XPO6: variants seen among roughly 807,000 people sequenced by gnomAD.
XPO6 encodes exportin-6.
A neutral mutation model predicts 130.0 loss-of-function variants in XPO6; 3 were observed. The ratio of observed to expected loss-of-function variants is 0.02; its 90% CI spans 0.01 to 0.06. The LOEUF (loss-of-function observed/expected upper bound fraction) is 0.06, where lower values mean the gene tolerates loss of function less well. XPO6 is among the 10% of genes least tolerant of loss of function. The probability of loss-of-function intolerance (pLI) is 1.00; values close to 1 mark genes in which losing one functional copy is unlikely to be tolerated. For synonymous variants in XPO6, 524 were observed against 548.9 expected (o/e 0.95, Z 0.63); for missense variants, 970 against 1,393.0 (o/e 0.70, Z 4.83).
chr16:28,181,274 TG>T (rs577932719), intron 1 of XPO6, among the ~76,000 whole-genome samples: 15 of 152,214 alleles, frequency 9.9e-5, no homozygotes, highest in Non-Finnish European at 1.8e-4. Context: ...TTTTCAATTA[TG>T]TATGCTAAGA....
At chr16:28,114,286 C>G (rs1285190554) in intron 15 of XPO6, among the ~76,000 whole-genome samples, 1 of 150,544 alleles carries the variant, frequency 6.6e-6, no homozygotes, top group Non-Finnish European at 1.5e-5. Flanking sequence ...TACTGTTAGG[C>G]AAAAGCAGCT....
chr16:28,200,007 C>T (rs80132572), intron 1 of XPO6, among the ~76,000 whole-genome samples: 1 of 151,954 alleles, frequency 6.6e-6, no homozygotes, highest in South Asian at 2.1e-4. Flanking sequence ...AATACAAAAA[C>T]TAGTCAGACA....
intron 2 of XPO6, among the ~76,000 whole-genome samples, chr16:28,179,448 T>C (rs1323003304): frequency 6.6e-6 from 1 of 152,088 alleles, no homozygotes; most frequent in African/African-American, 2.4e-5. Flanking sequence ...TAAGCAAAGG[T>C]TTCTGTGAAT....
At chr16:28,194,299 GC>G (rs2043826747) in intron 1 of XPO6, among the ~76,000 whole-genome samples, 1 of 152,026 alleles carries the variant, frequency 6.6e-6, no homozygotes, top group African/African-American at 2.4e-5. Flanking sequence ...TCCCAAGAAT[GC>G]CAAATGCCTT....
At chr16:28,145,836 G>C (rs1359065209) in intron 9 of XPO6, among the ~76,000 whole-genome samples, 2 of 151,808 alleles carry the variant, frequency 1.3e-5, no homozygotes, top group Non-Finnish European at 2.9e-5. Flanking sequence ...TAAAATAAGG[G>C]CTATTAAAAA....
At chr16:28,134,057 T>C in intron 10 of XPO6, 124 bp from the exon 11 acceptor site, 1 of 918,844 alleles carries the variant, frequency 1.1e-6, no homozygotes. Context: ...GGTTATCTGG[T>C]ACTATAAAAA....
rs895784511 is a variant in XPO6, at chr16:28,211,656, G to C, written c.-288C>G. The C allele has an allele frequency of 7.7e-6, 3 of 391,614 alleles. No individual in the cohort carries two copies. The highest frequency in any genetic ancestry group is 2.2e-5 in the African/African-American group (1 of 46,428). The allele number at this position is 391,614 out of a possible 1,614,324, so 24.3% of individuals were successfully genotyped here. A position where few individuals can be genotyped will look rare whatever the true frequency, so the allele number is the denominator to read the frequency against. On this transcript the variant is annotated 5_prime_UTR_variant, in exon 1 of 24. Coordinates refer to ENST00000304658, the MANE Select transcript of XPO6 (RefSeq NM_015171.4). ...ATGCCGGCGAGGAGGGCAGCTGCTC[G>C]GGACCCCCGCCCGGGCCCGACCCCC...
intron 17 of XPO6, 174 bp downstream of exon 17, chr16:28,111,643 T>C (rs751362726): frequency 2.0e-5 from 12 of 613,034 alleles, no homozygotes; most frequent in Non-Finnish European, 3.0e-5. Flanking sequence ...CTGTCTTAAC[T>C]GAATTCCAAA....
At chr16:28,109,699 C>A (rs927356545) in intron 17 of XPO6, among the ~76,000 whole-genome samples, 1 of 152,146 alleles carries the variant, frequency 6.6e-6, no homozygotes, top group African/African-American at 2.4e-5. Flanking sequence ...TCAAAGGAGA[C>A]TAAAGAGATA....
chr16:28,191,160 CCA>C (rs1459339399), intron 1 of XPO6, among the ~76,000 whole-genome samples: 9 of 152,198 alleles, frequency 5.9e-5, no homozygotes, highest in Admixed American at 3.9e-4. Context: ...TTTATTTTCA[CCA>C]CAGTTACACA....
intron 2 of XPO6, among the ~76,000 whole-genome samples, 189 bp from the exon 3 acceptor site, chr16:28,177,521 A>G (rs186365054): frequency 6.6e-6 from 1 of 152,236 alleles, no homozygotes; most frequent in Non-Finnish European, 1.5e-5. Context: ...GACCATGGAC[A>G]CTGACAATGT....
chr16:28,128,636 G>C (rs762499536), intron 12 of XPO6, among the ~76,000 whole-genome samples: 3 of 152,172 alleles, frequency 2.0e-5, no homozygotes, highest in Non-Finnish European at 4.4e-5. Flanking sequence ...ACAATTACTA[G>C]AGAGCTTAAA....
At chr16:28,162,891 T>C (rs1040140162) in intron 6 of XPO6, among the ~76,000 whole-genome samples, 1 of 152,210 alleles carries the variant, frequency 6.6e-6, no homozygotes, top group Admixed American at 6.5e-5. Flanking sequence ...TTTTTAATTA[T>C]TGAAACTTCA....
intron 14 of XPO6, among the ~76,000 whole-genome samples, chr16:28,118,641 G>A (rs1158417558): frequency 6.6e-6 from 1 of 152,192 alleles, no homozygotes; most frequent in Non-Finnish European, 1.5e-5. Flanking sequence ...GCAGGTGTGA[G>A]GCACTGCACC....
intron 13 of XPO6, among the ~76,000 whole-genome samples, chr16:28,124,793 CT>C (rs1172875959): frequency 1.3e-5 from 2 of 152,200 alleles, no homozygotes; most frequent in African/African-American, 4.8e-5. Flanking sequence ...GCTATCTTTG[CT>C]TTTCAGCTAA....
At chr16:28,177,159 T>C (rs2043546977) in intron 3 of XPO6, 61 bp downstream of exon 3, 5 of 1,156,292 alleles carry the variant, frequency 4.3e-6, no homozygotes, top group Non-Finnish European at 6.2e-6. Context: ...CTAGTGCTAA[T>C]GATATGGCAA....
chr16:28,177,943 G>A (rs1323112691), intron 2 of XPO6, among the ~76,000 whole-genome samples: 7 of 152,136 alleles, frequency 4.6e-5, no homozygotes, highest in East Asian at 1.9e-4. Flanking sequence ...CGAGTGTTGC[G>A]GCGAGTAGCC....
chr16:28,130,767 T>C (rs1029474476), intron 12 of XPO6, among the ~76,000 whole-genome samples: 5 of 152,214 alleles, frequency 3.3e-5, no homozygotes, highest in African/African-American at 1.2e-4. Context: ...AATCACATTA[T>C]CCTTCTAGGG....
intron 3 of XPO6, among the ~76,000 whole-genome samples, chr16:28,176,345 C>G (rs1022667915): frequency 8.5e-5 from 13 of 152,318 alleles, no homozygotes; most frequent in South Asian, 2.1e-4. Context: ...ACCACTGTCT[C>G]TAATGGCCAC....
Sources: allele counts gnomAD v4.1 joint callset (sites outside exome capture counted in the v4.1 genomes callset), GRCh38; gene constraint gnomAD v4.1.1; transcripts MANE v1.5; gene names NCBI Gene and HGNC (gene_info 2026-07-23, HGNC 2026-07-21).